The following IFI44L variants were observed in gnomAD, a reference collection of about 807,000 sequenced individuals.
IFI44L encodes the protein interferon-induced protein 44-like.
In IFI44L, 40 loss-of-function variants were observed where a neutral mutation model predicts 39.3. The ratio of observed to expected loss-of-function variants is 1.02; its 90% CI spans 0.79 to 1.33. The LOEUF is 1.33. IFI44L is among the 40% of genes most tolerant of loss of function. The pLI is 0.00. For missense variants in IFI44L, 623 were observed against 549.0 expected, an observed-to-expected ratio of 1.13 and a Z score of -1.35; for synonymous variants, 198 against 182.3, an observed-to-expected ratio of 1.09 and a Z score of -0.69.
At chr1:78,629,377 C>T (rs941992582) in intron 3 of IFI44L, among the ~76,000 whole-genome samples, 9 of 152,004 alleles carry the variant, frequency 5.9e-5, no homozygotes, top group African/African-American at 1.9e-4. Context: ...TTTGATTTCT[C>T]CTTAATGTAC....
Position 78,641,099 on chromosome 1 carries a change from G to C in IFI44L, c.1127G>C (p.Arg376Thr). ...CAAGACAACTTTTTAAACATGAGTA[G>C]ATCTATGACTTCTCAAAGCCGGGTA... ...VLQDNFLNMS[R>T]SMTSQSRVMN... The change falls in exon 7 of 9, where the codon AGA becomes ACA. Residue 376 changes from arginine to threonine, a missense_variant. Arg to Thr is a moderately conservative substitution (Grantham distance 71). Transcript: ENST00000370751. 3 of 1,609,592 alleles carry C rather than the reference G, an allele frequency of 1.9e-6. No individual in the cohort carries two copies. Among genetic ancestry groups the C allele is most frequent in the Non-Finnish European group, 2.5e-6 (3 of 1,178,284 alleles).
Position 78,643,158 on chromosome 1 carries a change from C to CTTTTTTTTTTTTTTTTTTTTTTTTT in IFI44L, c.*1351_*1352insTTTTTTTTTTTTTTTTTTTTTTTTT, listed in dbSNP as rs1303490900. On this transcript the variant is annotated 3_prime_UTR_variant, in exon 9 of 9. Coordinates refer to ENST00000370751, the MANE Select transcript of IFI44L (RefSeq NM_006820.4). ...ATAGATATTAAGAAAGCAAGAGTTTCTTATGTCCAGTTATGGAATATTTCC... is the reference window on the plus strand; with the variant it reads ...ATAGATATTAAGAAAGCAAGAGTTTCTTTTTTTTTTTTTTTTTTTTTTTTTTTATGTCCAGTTATGGAATATTTCC... The CTTTTTTTTTTTTTTTTTTTTTTTTT allele has an allele frequency of 4.0e-5, 6 of 151,516 alleles. No homozygotes were observed. The highest frequency in any genetic ancestry group is 8.8e-5 in the Non-Finnish European group (6 of 67,848). The allele number at this position is 151,516 out of a possible 1,614,324, so 9.4% of individuals were successfully genotyped here.
chr1:78,641,187 G>A, intron 7 of IFI44L, 66 bp downstream of exon 7: 1 of 1,150,776 alleles, frequency 8.7e-7, no homozygotes, highest in Non-Finnish European at 1.3e-6. Context: ...GTGTGTGTTT[G>A]TGTGTGTCTG....
At chr1:78,630,701 A>T (rs1029258128) in intron 4 of IFI44L, among the ~76,000 whole-genome samples, 5 of 152,196 alleles carry the variant, frequency 3.3e-5, no homozygotes, top group African/African-American at 1.2e-4. Context: ...ATAATAAGAC[A>T]GTAATGGTTC....
chr1:78,630,448 A>G (rs1652709595), intron 4 of IFI44L, among the ~76,000 whole-genome samples: 1 of 152,176 alleles, frequency 6.6e-6, no homozygotes, highest in Non-Finnish European at 1.5e-5. Context: ...AATAAATAGT[A>G]ATATAGATTT....
intron 1 of IFI44L, among the ~76,000 whole-genome samples, chr1:78,624,629 T>A (rs1045006467): frequency 6.6e-6 from 1 of 152,164 alleles, no homozygotes; most frequent in African/African-American, 2.4e-5. Context: ...GTTTTCCTAT[T>A]GATCTTCTGT....
In IFI44L at chr1:78,628,057, G is replaced by T. The variant is rs1370941619; in HGVS notation, c.142G>T (p.Gly48Ter). 6.2e-7 allele frequency: 1 copy of T among 1,613,238 alleles called. No homozygotes were observed. Reference sequence around the variant, plus strand: ...TATGGTTGAAAGATGCAGCCGTCAGGGATGTACTATAACAATGGCTTACAT... The same window carrying T: ...TATGGTTGAAAGATGCAGCCGTCAGTGATGTACTATAACAATGGCTTACAT... The part of the protein sequence containing the change: ...EDMVERCSRQ[G>*]CTITMAYIDY... Residue 48 changes from glycine to a stop codon, truncating the protein, a stop_gained, in exon 2 of 9, where the codon GGA becomes TGA. Transcript: ENST00000370751. LOFTEE classifies it high-confidence loss of function.
intron 1 of IFI44L, chr1:78,620,809 C>T (rs1003321555): frequency 2.6e-5 from 4 of 151,760 alleles, no homozygotes; most frequent in African/African-American, 9.7e-5. Flanking sequence ...AACACAAGAA[C>T]TTATTCCTTC....
intron 1 of IFI44L, among the ~76,000 whole-genome samples, chr1:78,622,012 A>G (rs1182661600): frequency 2.0e-5 from 3 of 152,162 alleles, no homozygotes; most frequent in South Asian, 4.1e-4. Context: ...GTTGTTGACT[A>G]ATAGAACTTC....
At chr1:78,623,952 T>C (rs1652386349) in intron 1 of IFI44L, among the ~76,000 whole-genome samples, 1 of 152,198 alleles carries the variant, frequency 6.6e-6, no homozygotes, top group South Asian at 2.1e-4. Context: ...CAAATGCTAA[T>C]CTAAAATGTG....
At chr1:78,627,215 CT>C (rs1183725985) in intron 1 of IFI44L, 6 of 151,988 alleles carry the variant, frequency 3.9e-5, no homozygotes, top group Non-Finnish European at 8.8e-5. Context: ...CTTGTTTGCT[CT>C]TTAGAGCTTT....
Position 78,637,090 on chromosome 1 carries a change from T to C in IFI44L, c.935T>C (p.Leu312Pro). ...EHSTFITSPS[L>P]KDRIHCVAYV... ...TCTACTTTTATCACCTCTCCATCTCTGAAGGACAGGATTCACTGTGTGGCT... is the reference window on the plus strand; with the variant it reads ...TCTACTTTTATCACCTCTCCATCTCCGAAGGACAGGATTCACTGTGTGGCT... Residue 312 changes from leucine (L) to proline (P), a missense_variant, in exon 6 of 9, where the codon CTG becomes CCG. Coordinates refer to ENST00000370751, the MANE Select transcript of IFI44L (RefSeq NM_006820.4). 1 of 1,611,060 alleles carries C rather than the reference T, an allele frequency of 6.2e-7. No homozygotes were observed. Among genetic ancestry groups the C allele is most frequent in the Non-Finnish European group, 8.5e-7 (1 of 1,177,450 alleles).
At chr1:78,637,893 A>G (rs988217374) in intron 6 of IFI44L, among the ~76,000 whole-genome samples, 4 of 152,224 alleles carry the variant, frequency 2.6e-5, no homozygotes, top group African/African-American at 9.6e-5. Flanking sequence ...GCTATTGCAA[A>G]CAAAACTCCT....
At position 78,642,023 on chromosome 1, in the gene IFI44L, A is replaced by ATTT; in HGVS notation, c.*215_*217dup. The ATTT allele has an allele frequency of 1.6e-6, 1 of 607,188 alleles. No homozygotes were observed. Among genetic ancestry groups the ATTT allele is most frequent in the Non-Finnish European group, 3.0e-6 (1 of 338,744 alleles). 37.6% of individuals were successfully genotyped at this position (607,188 alleles called of 1,614,324 possible). ...AACCACCCCTCCATATTTCCGTACC[A>ATTT]TTTACAATTCAGTTTCTGTGACATC... On this transcript the variant is annotated 3_prime_UTR_variant, in exon 9 of 9. Coordinates refer to ENST00000370751, the MANE Select transcript of IFI44L (RefSeq NM_006820.4).
chr1:78,631,725 C>T (rs1187861518), intron 4 of IFI44L: 2 of 152,082 alleles, frequency 1.3e-5, no homozygotes, highest in East Asian at 3.9e-4. Context: ...TTGTGGACCC[C>T]TTGGGTTCCC....
chr1:78,632,113 G>A (rs1239004622), intron 4 of IFI44L, among the ~76,000 whole-genome samples: 1 of 152,146 alleles, frequency 6.6e-6, no homozygotes, highest in Non-Finnish European at 1.5e-5. Context: ...TGGAGCAGCT[G>A]AGTTGTTAAC....
intron 1 of IFI44L, among the ~76,000 whole-genome samples, chr1:78,623,827 C>G (rs1279297789): frequency 6.6e-6 from 1 of 152,100 alleles, no homozygotes; most frequent in Non-Finnish European, 1.5e-5. Flanking sequence ...AAGATGGATA[C>G]TCCAGCTCAA....
At chr1:78,621,562 A>C (rs1007661951) in intron 1 of IFI44L, among the ~76,000 whole-genome samples, 3 of 152,076 alleles carry the variant, frequency 2.0e-5, no homozygotes, top group Non-Finnish European at 2.9e-5. Context: ...GTGAGCCACC[A>C]CACCTAGCCT....
intron 8 of IFI44L, 60 bp downstream of exon 8, chr1:78,641,669 G>GTTA: frequency 6.2e-7 from 1 of 1,609,208 alleles, no homozygotes; most frequent in Non-Finnish European, 8.5e-7. Flanking sequence ...AAAATCCTAA[G>GTTA]TTATACATCA....
Sources: allele counts gnomAD v4.1 joint callset (sites outside exome capture counted in the v4.1 genomes callset), GRCh38; gene constraint gnomAD v4.1.1; transcripts MANE v1.5; gene names NCBI Gene and HGNC (gene_info 2026-07-23, HGNC 2026-07-21).